Variants in UNC80 observed in about 807,000 individuals in gnomAD.
UNC80 encodes the protein protein unc-80 homolog.
Under a neutral mutation model 384.6 loss-of-function variants are expected in UNC80, and 164 were observed. The ratio of observed to expected loss-of-function variants is 0.43; its 90% confidence interval spans 0.38 to 0.49. UNC80 has a LOEUF of 0.49. Ranked by LOEUF, UNC80 falls within the 20% of genes least tolerant of loss-of-function variation. The probability of loss-of-function intolerance (pLI) is 0.00; values close to 1 mark genes in which losing one functional copy is unlikely to be tolerated. For missense variants in UNC80, 3,330 were observed against 4,143.0 expected (o/e 0.80, Z 5.39); for synonymous variants, 1,486 against 1,527.8 (o/e 0.97, Z 0.64).
At position 209,934,019 on chromosome 2, in the gene UNC80, A is replaced by T. The variant is rs2091071230; in HGVS notation, c.6178+14A>T. ...CTTCAATGCCAGGTAAGCCACTACT[A>T]CTTTTTAGTAACATAACTTTAAAAA... On this transcript the variant is annotated intron_variant, in intron 39 of 64. Transcript: ENST00000673920. 6 of 1,517,310 alleles carry T rather than the reference A, an allele frequency of 4.0e-6. No individual in the cohort carries two copies. The African/African-American group carries it at 4.2e-5, about 11-fold the overall frequency. The allele number at this position is 1,517,310 out of a possible 1,614,324, so 94.0% of individuals were successfully genotyped here.
At chr2:209,940,401 A>G (rs1361056671) in intron 43 of UNC80, among the ~76,000 whole-genome samples, 2 of 152,248 alleles carry the variant, frequency 1.3e-5, no homozygotes, top group African/African-American at 2.4e-5. Flanking sequence ...TAATACCTCA[A>G]TTGAGAGAAA....
chr2:209,938,688 C>G (rs867808962), intron 42 of UNC80, among the ~76,000 whole-genome samples: 2 of 147,794 alleles, frequency 1.4e-5, no homozygotes, highest in South Asian at 2.1e-4. Flanking sequence ...CTCTCTCTCT[C>G]TCTCTCTCTC....
chr2:209,865,398 C>T (rs1436211935), intron 22 of UNC80, among the ~76,000 whole-genome samples: 3 of 152,008 alleles, frequency 2.0e-5, no homozygotes, highest in Non-Finnish European at 2.9e-5. Flanking sequence ...GTCAGGAGAT[C>T]GAGACCATCC....
chr2:209,959,735 G>A, intron 51 of UNC80, 28 bp downstream of exon 51: 1 of 1,544,936 alleles, frequency 6.5e-7, no homozygotes, highest in South Asian at 1.2e-5. Flanking sequence ...CCTGCCCCAA[G>A]TGTGAACACA....
At chr2:209,792,150 A>T (rs1205517258) in intron 6 of UNC80, among the ~76,000 whole-genome samples, 1 of 152,160 alleles carries the variant, frequency 6.6e-6, no homozygotes, top group African/African-American at 2.4e-5. Context: ...CTAAAAATAG[A>T]AAAATGAGCG....
At chr2:209,930,906 T>TA (rs1383559165) in intron 37 of UNC80, 62 bp from the exon 38 acceptor site, 4 of 1,236,672 alleles carry the variant, frequency 3.2e-6, no homozygotes, top group Non-Finnish European at 4.5e-6. Flanking sequence ...TTCAAGAAGT[T>TA]AATTTTATTT....
chr2:209,809,389 C>T, intron 7 of UNC80: 1 of 1,153,256 alleles, frequency 8.7e-7, no homozygotes, highest in Non-Finnish European at 1.3e-6. Context: ...TGTCCGGACC[C>T]ACACTGGTGA....
Position 209,993,346 on chromosome 2 carries a change from C to T in UNC80, c.9428C>T (p.Thr3143Ile). ...CGTCCTCTACTATCACGTCAGAAAA[C>T]TCAGACTGAACCCAGAAATCGCCAA... Reference protein sequence around the residue: ...LRRPLLSRQKTQTEPRNRQGA... With the variant: ...LRRPLLSRQKIQTEPRNRQGA... Residue 3143 changes from threonine (T) to isoleucine (I), a missense_variant, in exon 63 of 65, where the codon ACT (threonine) becomes ATT (isoleucine). Thr to Ile is a moderately conservative substitution (Grantham distance 89). Coordinates refer to ENST00000673920, the MANE Select transcript of UNC80 (RefSeq NM_001371986.1). 6.4e-7 allele frequency: 1 copy of T among 1,552,002 alleles called. No homozygotes were observed. Among genetic ancestry groups the T allele is most frequent in the Non-Finnish European group, 8.7e-7 (1 of 1,147,042 alleles).
chr2:209,816,614 T>G (rs1559137679), intron 9 of UNC80, among the ~76,000 whole-genome samples: 2 of 152,208 alleles, frequency 1.3e-5, no homozygotes, highest in South Asian at 4.1e-4. Context: ...TTTGCATTTC[T>G]AATAAGTTCC....
rs185798059 is a variant in UNC80, at chr2:209,978,450, A to G, written c.8939-79A>G. The G allele has an allele frequency of 6.0e-3, 7,445 of 1,243,710 alleles. 33 individuals are homozygous for G. The highest frequency in any genetic ancestry group is 7.1e-3 in the South Asian group (349 of 48,880). The allele number at this position is 1,243,710 out of a possible 1,614,324, so 77.0% of individuals were successfully genotyped here. ...ATTTAACTAACCTTTCCTAAAAAAT[A>G]CAAGTGGTCAGGGAGGACTTTGAAG... is the stretch of plus-strand genomic sequence containing the variant. On this transcript the variant is annotated intron_variant, in intron 58 of 64. Coordinates refer to ENST00000673920, the MANE Select transcript of UNC80 (RefSeq NM_001371986.1).
chr2:209,940,551 T>A (rs1381534923), intron 43 of UNC80, among the ~76,000 whole-genome samples: 1 of 152,136 alleles, frequency 6.6e-6, no homozygotes, highest in African/African-American at 2.4e-5. Context: ...AGGTGACTCA[T>A]GCCTGTAATC....
At chr2:209,903,315 ATTATATG>A (rs1391536598) in intron 28 of UNC80, among the ~76,000 whole-genome samples, 8 of 58,946 alleles carry the variant, frequency 1.4e-4, no homozygotes, top group Non-Finnish European at 2.8e-4. Flanking sequence ...TATATATTAT[ATTATATG>A]TGTGTGTGTG....
chr2:209,914,679 G>A (rs935508721), intron 31 of UNC80, among the ~76,000 whole-genome samples: 15 of 149,778 alleles, frequency 1.0e-4, no homozygotes, highest in African/African-American at 3.3e-4. Flanking sequence ...GTGTGTGTGT[G>A]TGTATATAAA....
intron 35 of UNC80, among the ~76,000 whole-genome samples, chr2:209,923,879 C>G (rs372912628): frequency 2.0e-5 from 3 of 152,024 alleles, no homozygotes; most frequent in African/African-American, 4.8e-5. Context: ...GCTAATTTTG[C>G]CTTTTGATTA....
intron 25 of UNC80, among the ~76,000 whole-genome samples, chr2:209,881,650 C>CAT (rs1469507203): frequency 6.6e-6 from 1 of 151,988 alleles, no homozygotes; most frequent in East Asian, 1.9e-4. Context: ...CACACACACA[C>CAT]ATGCGTGCAT....
chr2:209,934,613 A>G (rs1039009642), intron 39 of UNC80, among the ~76,000 whole-genome samples: 1 of 152,220 alleles, frequency 6.6e-6, no homozygotes, highest in Non-Finnish European at 1.5e-5. Context: ...TTATGTAGAG[A>G]TGAGAACACA....
chr2:209,813,719 C>G lies in UNC80; in HGVS notation c.1078C>G (p.Arg360Gly). Residue 360 changes from arginine (R) to glycine (G), a missense_variant, in exon 8 of 65, where the codon CGA becomes GGA. Arg to Gly is a moderately radical substitution (Grantham distance 125). Transcript: ENST00000673920. The stretch of plus-strand genomic sequence containing the variant: ...TCTGATGTACTATCTACAAAGGCTG[C>G]GACACATGTTGGAAGAGAAGCCAGA... ...WSLMYYLQRL[R>G]HMLEEKPEKP... The G allele has an allele frequency of 6.4e-7, 1 of 1,551,698 alleles. No homozygotes were observed. The highest frequency in any genetic ancestry group is 8.7e-7 in the Non-Finnish European group (1 of 1,146,996).
At chr2:209,900,045 G>A (rs1240237123) in intron 28 of UNC80, among the ~76,000 whole-genome samples, 1 of 152,210 alleles carries the variant, frequency 6.6e-6, no homozygotes, top group Non-Finnish European at 1.5e-5. Flanking sequence ...AAGGAGAAAT[G>A]TGATGTGTCC....
At position 209,912,547 on chromosome 2, in the gene UNC80, C is replaced by G. The variant is rs1264929418; in HGVS notation, c.4783-13C>G. The stretch of plus-strand genomic sequence containing the variant: ...ACACATCACTCTTCATTACATATCC[C>G]TGGTCTTTTCAGTGCTCAGATAAGT... On this transcript the variant is annotated splice_polypyrimidine_tract_variant and intron_variant, in intron 29 of 64. Transcript: ENST00000673920. The G allele has an allele frequency of 2.0e-6, 3 of 1,530,376 alleles. No homozygotes were observed. Among genetic ancestry groups the G allele is most frequent in the Non-Finnish European group, 2.7e-6 (3 of 1,129,776 alleles). 94.8% of individuals were successfully genotyped at this position (1,530,376 alleles called of 1,614,324 possible). A position where few individuals can be genotyped will look rare whatever the true frequency, so the allele number is the denominator to read the frequency against.
Sources: gnomAD v4.1 joint callset for allele counts (sites outside exome capture counted in the v4.1 genomes callset) on GRCh38, gnomAD v4.1.1 for gene constraint, MANE v1.5 for transcripts, NCBI Gene and HGNC (gene_info 2026-07-23, HGNC 2026-07-21) for gene names.